Variants in JAM2 observed in about 807,000 individuals in gnomAD.
JAM2 encodes junctional adhesion molecule 2, also known as junctional adhesion molecule B.
In JAM2, 17 loss-of-function variants were observed where a neutral mutation model predicts 42.0. The ratio of observed to expected loss-of-function variants is 0.40; its 90% CI spans 0.28 to 0.61. JAM2 has a LOEUF of 0.61. Among genes scored for constraint, JAM2 ranks in the 20% least tolerant of loss-of-function variants. JAM2 has a pLI of 0.37. For missense variants in JAM2, 319 were observed against 358.3 expected (o/e 0.89, Z 0.89); for synonymous variants, 118 against 128.6 (o/e 0.92, Z 0.56).
chr21:25,683,766 T>C, intron 1 of JAM2, 117 bp from the exon 2 acceptor site: 1 of 671,938 alleles, frequency 1.5e-6, no homozygotes, highest in South Asian at 1.8e-5. Context: ...GTGTTATGAA[T>C]TGGGTAAACT....
chr21:25,689,816 T>A (rs769402056), intron 2 of JAM2, 50 bp from the exon 3 acceptor site: 3 of 1,214,318 alleles, frequency 2.5e-6, no homozygotes, highest in East Asian at 4.7e-5. Context: ...AAGTAAAATA[T>A]AAATTCATGG....
chr21:25,662,066 T>C (rs1299707275), intron 1 of JAM2, among the ~76,000 whole-genome samples: 1 of 152,218 alleles, frequency 6.6e-6, no homozygotes, highest in African/African-American at 2.4e-5. Context: ...AAATTACTTT[T>C]GGATTTTTGT....
At chr21:25,707,492 CA>C (rs1180367383) in intron 7 of JAM2, among the ~76,000 whole-genome samples, 6 of 151,754 alleles carry the variant, frequency 4.0e-5, no homozygotes, top group Non-Finnish European at 8.8e-5. Flanking sequence ...AAAAAAACAA[CA>C]AAAAAAGAGA....
chr21:25,702,136 G>A (rs1319656321), intron 5 of JAM2, 34 bp from the exon 6 acceptor site: 26 of 1,202,188 alleles, frequency 2.2e-5, no homozygotes, highest in Non-Finnish European at 3.0e-5. Context: ...TAGATCTATG[G>A]CTTAAAAAAA....
rs774780333 is a variant in JAM2, at chr21:25,709,422, TTTC to T, written c.806-9_806-7del. 3.3e-5 allele frequency: 45 copies of T among 1,384,408 alleles called. No individual in the cohort carries two copies. The highest frequency in any genetic ancestry group is 3.9e-5 in the Non-Finnish European group (39 of 988,074). 85.8% of individuals were successfully genotyped at this position (1,384,408 alleles called of 1,614,324 possible). ...ACCCTTGCATTAATGATATATACTT[TTTC>T]TTTTGTAGAAGAAACCTCCTTCCAG... On this transcript the variant is annotated splice_polypyrimidine_tract_variant and intron_variant, in intron 7 of 9. Coordinates refer to ENST00000480456, the MANE Select transcript of JAM2 (RefSeq NM_021219.4).
intron 9 of JAM2, among the ~76,000 whole-genome samples, chr21:25,713,893 C>T (rs949359543): frequency 6.6e-6 from 1 of 152,206 alleles, no homozygotes; most frequent in Middle Eastern, 3.2e-3. Flanking sequence ...TTTTTCTTTG[C>T]CTTCCTCTCA....
intron 1 of JAM2, among the ~76,000 whole-genome samples, chr21:25,680,800 C>A: frequency 6.7e-6 from 1 of 150,056 alleles, no homozygotes; most frequent in South Asian, 2.1e-4. Context: ...GGATGACGAT[C>A]GATGGATGGA....
At chr21:25,714,195 A>G in intron 9 of JAM2, 1 of 1,302,468 alleles carries the variant, frequency 7.7e-7, no homozygotes, top group Non-Finnish European at 1.0e-6. Flanking sequence ...TTCCCCATAA[A>G]ACAAGTTTAA....
Position 25,698,351 on chromosome 21 carries a change from C to T in JAM2, c.395-326C>T, listed in dbSNP as rs528997208. On this transcript the variant is annotated intron_variant, in intron 4 of 9. Coordinates refer to ENST00000480456, the MANE Select transcript of JAM2 (RefSeq NM_021219.4). ...TGGTAGTTGCAGGGGGTGGAGGATA[C>T]GAATGAACATGTGGGAGGTTTTTAA... Among the ~76,000 whole-genome samples the T allele has an allele frequency of 1.8e-4, 27 of 152,228 alleles. No individual in the cohort carries two copies. The South Asian group carries it at 5.0e-3, about 28-fold the overall frequency.
intron 1 of JAM2, among the ~76,000 whole-genome samples, chr21:25,675,890 G>A (rs1040371430): frequency 2.6e-5 from 4 of 151,960 alleles, no homozygotes; most frequent in African/African-American, 9.7e-5. Context: ...AAACCACATG[G>A]CCATAAATTT....
chr21:25,648,521 C>T (rs59541468), intron 1 of JAM2, among the ~76,000 whole-genome samples: 59,625 of 151,628 alleles, frequency 0.39, 13,460 homozygotes, highest in East Asian at 0.66. Flanking sequence ...TACAGTACTT[C>T]TTCCCAACCT....
chr21:25,688,645 T>G (rs1350884611), intron 2 of JAM2, among the ~76,000 whole-genome samples: 1 of 152,238 alleles, frequency 6.6e-6, no homozygotes, highest in Middle Eastern at 3.2e-3. Flanking sequence ...AAACAACTTT[T>G]GGTTCTTTTC....
chr21:25,664,328 T>C (rs2033162743), intron 1 of JAM2, among the ~76,000 whole-genome samples: 1 of 152,152 alleles, frequency 6.6e-6, no homozygotes, highest in African/African-American at 2.4e-5. Context: ...CTCCACTTCC[T>C]GAGTTCAAGT....
intron 1 of JAM2, among the ~76,000 whole-genome samples, chr21:25,675,216 C>A (rs2033455453): frequency 6.6e-6 from 1 of 152,052 alleles, no homozygotes; most frequent in Non-Finnish European, 1.5e-5. Context: ...CACTTTTTGG[C>A]CAGGCGCGGT....
chr21:25,709,555 T>C, intron 8 of JAM2, 106 bp downstream of exon 8: 1 of 682,932 alleles, frequency 1.5e-6, no homozygotes, highest in East Asian at 2.5e-5. Context: ...TTGTGTAGGT[T>C]TACTCTCACA....
At chr21:25,686,483 AT>A (rs2033754302) in intron 2 of JAM2, among the ~76,000 whole-genome samples, 1 of 152,114 alleles carries the variant, frequency 6.6e-6, no homozygotes, top group Admixed American at 6.5e-5. Flanking sequence ...TTCATTTGTT[AT>A]GCCTTGTTTC....
At chr21:25,642,386 C>G (rs1043716356) in intron 1 of JAM2, among the ~76,000 whole-genome samples, 1 of 152,034 alleles carries the variant, frequency 6.6e-6, no homozygotes, top group African/African-American at 2.4e-5. Context: ...GGGTTATAAT[C>G]CAATACTATT....
At chr21:25,672,905 A>G (rs1314713905) in intron 1 of JAM2, among the ~76,000 whole-genome samples, 1 of 152,234 alleles carries the variant, frequency 6.6e-6, no homozygotes, top group Non-Finnish European at 1.5e-5. Flanking sequence ...GCCAATAACC[A>G]TGGCTTCCAC....
chr21:25,683,608 G>C (rs1360801836), intron 1 of JAM2, among the ~76,000 whole-genome samples: 1 of 152,186 alleles, frequency 6.6e-6, no homozygotes, highest in Non-Finnish European at 1.5e-5. Flanking sequence ...TTCAATGATC[G>C]GGCTGGCAGG....
Sources: allele counts gnomAD v4.1 joint callset (sites outside exome capture counted in the v4.1 genomes callset), GRCh38; gene constraint gnomAD v4.1.1; transcripts MANE v1.5; gene names NCBI Gene and HGNC (gene_info 2026-07-23, HGNC 2026-07-21).